Variants in EPRS1 observed in about 807,000 individuals in gnomAD.
EPRS1 encodes bifunctional glutamate/proline--tRNA ligase.
EPRS1 carries 107 observed loss-of-function variants against 188.3 expected under a neutral mutation model. The ratio of observed to expected loss-of-function variants is 0.57; its 90% CI spans 0.49 to 0.67. The LOEUF is 0.67. Ranked by LOEUF, EPRS1 falls within the 30% of genes least tolerant of loss-of-function variation. The probability of loss-of-function intolerance (pLI) is 0.00; values close to 1 mark genes in which losing one functional copy is unlikely to be tolerated. For synonymous variants in EPRS1, 596 were observed against 593.1 expected (o/e 1.00, Z -0.07); for missense variants, 1,577 against 1,802.2 (o/e 0.88, Z 2.26).
chr1:219,994,447 C>A (rs1661187001), intron 18 of EPRS1, among the ~76,000 whole-genome samples: 2 of 151,920 alleles, frequency 1.3e-5, no homozygotes, highest in Admixed American at 1.3e-4. Context: ...ATACAGCTCA[C>A]ATTTGTTTCA....
Position 219,981,856 on chromosome 1 carries a change from C to G in EPRS1, c.3374-399G>C, listed in dbSNP as rs188880129. Among the ~76,000 whole-genome samples, 738 of 152,272 alleles carry G rather than the reference C, an allele frequency of 4.8e-3. 7 individuals are homozygous for G. Among genetic ancestry groups the G allele is most frequent in the African/African-American group, 0.017 (691 of 41,562 alleles). On this transcript the variant is annotated intron_variant, in intron 23 of 31. Coordinates refer to ENST00000366923, the MANE Select transcript of EPRS1 (RefSeq NM_004446.3). ...CAACCCACAAGAAGGTATCATAACT[C>G]AGTTTTAAAGACGTGGAAAGCTGAG... is the stretch of plus-strand genomic sequence containing the variant.
rs1661842735 is a variant in EPRS1, at chr1:220,020,232, AG to A, written c.1116-12del. On this transcript the variant is annotated splice_polypyrimidine_tract_variant and intron_variant, in intron 9 of 31. Transcript: ENST00000366923. ...TATGTTGGATAAACACTAGAAAAAAAGAAAATAAAATAAACAAAACATTTTA... is the reference window on the plus strand; with the variant it reads ...TATGTTGGATAAACACTAGAAAAAAAAAAATAAAATAAACAAAACATTTTA... 1.9e-6 allele frequency: 3 copies of A among 1,540,424 alleles called. No individual in the cohort carries two copies. The East Asian group carries it at 6.7e-5, about 35-fold the overall frequency.
chr1:219,971,167 T>C (rs904061196), intron 30 of EPRS1, among the ~76,000 whole-genome samples: 1 of 152,170 alleles, frequency 6.6e-6, no homozygotes. Context: ...CACTGGCCCA[T>C]GGTTTTCTCA....
Position 219,997,037 on chromosome 1 carries a change from TTCA to T in EPRS1, c.2484_2486del (p.Asp828del), listed in dbSNP as rs866829385. ...GAACCACCTCCCCTTGTGCAGCAAC[TTCA>T]TCATACAGAGATTTACTTTCCAGAA... On this transcript the variant is annotated inframe_deletion, in exon 18 of 32. Coordinates refer to ENST00000366923, the MANE Select transcript of EPRS1 (RefSeq NM_004446.3). The T allele has an allele frequency of 8.7e-6, 14 of 1,613,068 alleles. No individual in the cohort carries two copies. The African/African-American group carries it at 1.7e-4, about 20-fold the overall frequency.
chr1:220,036,475 A>G (rs1662182702), intron 2 of EPRS1, among the ~76,000 whole-genome samples: 1 of 152,062 alleles, frequency 6.6e-6, no homozygotes, highest in Non-Finnish European at 1.5e-5. Flanking sequence ...AATGTGGTAC[A>G]TATATACCAC....
chr1:220,006,625 T>G (rs916869642), intron 14 of EPRS1, among the ~76,000 whole-genome samples: 13 of 152,288 alleles, frequency 8.5e-5, no homozygotes, highest in African/African-American at 2.9e-4. Flanking sequence ...GTCACCTGCA[T>G]CAAGCATTAT....
At chr1:219,999,172 T>C (rs933074565) in intron 17 of EPRS1, among the ~76,000 whole-genome samples, 18 of 152,236 alleles carry the variant, frequency 1.2e-4, no homozygotes, top group Non-Finnish European at 7.4e-5. Flanking sequence ...TTTGATAGTA[T>C]CAGCCTCTAT....
intron 18 of EPRS1, among the ~76,000 whole-genome samples, chr1:219,991,243 A>C (rs1231705479): frequency 6.6e-6 from 1 of 151,888 alleles, no homozygotes; most frequent in African/African-American, 2.4e-5. Context: ...AAAAAAAAAA[A>C]AAAAACCTGG....
chr1:220,005,363 G>A lies in EPRS1; in HGVS notation c.1951-3C>T, dbSNP rs1212024723. On this transcript the variant is annotated splice_polypyrimidine_tract_variant and splice_region_variant and intron_variant, in intron 15 of 31. Transcript: ENST00000366923. The stretch of plus-strand genomic sequence containing the variant: ...TCCCCTAGCATTAGCTCTTCATGCT[G>A]TAAAGATGATATAAACCAAAGTACA... 2 of 1,396,136 alleles carry A rather than the reference G, an allele frequency of 1.4e-6. No individual in the cohort carries two copies. Among genetic ancestry groups the A allele is most frequent in the Non-Finnish European group, 1.9e-6 (2 of 1,045,964 alleles). The allele number at this position is 1,396,136 out of a possible 1,614,324, so 86.5% of individuals were successfully genotyped here. A position where few individuals can be genotyped will look rare whatever the true frequency, so the allele number is the denominator to read the frequency against.
At chr1:219,973,106 T>G in intron 29 of EPRS1, 132 bp downstream of exon 29, 1 of 700,002 alleles carries the variant, frequency 1.4e-6, no homozygotes, top group Non-Finnish European at 2.4e-6. Flanking sequence ...GAGTGGCAAA[T>G]TAAGTAGCAT....
intron 20 of EPRS1, among the ~76,000 whole-genome samples, chr1:219,984,858 C>A (rs1218665654): frequency 1.3e-5 from 2 of 152,100 alleles, no homozygotes; most frequent in African/African-American, 4.8e-5. Flanking sequence ...GCCTGACCAA[C>A]ATGGAGAAAC....
At chr1:220,033,408 T>C (rs1325798314) in intron 4 of EPRS1, 94 bp downstream of exon 4, 1 of 870,038 alleles carries the variant, frequency 1.1e-6, no homozygotes, top group African/African-American at 1.7e-5. Flanking sequence ...TACACACACA[T>C]ATACATACAT....
intron 18 of EPRS1, among the ~76,000 whole-genome samples, chr1:219,992,697 C>T (rs1259388161): frequency 1.3e-5 from 2 of 152,270 alleles, no homozygotes; most frequent in South Asian, 2.1e-4. Context: ...GAGGCCGAGG[C>T]GGGTGGATCA....
In EPRS1 at chr1:219,986,852, A is replaced by C. The variant is rs12071410; in HGVS notation, c.3038+290T>G. On this transcript the variant is annotated intron_variant, in intron 20 of 31. Coordinates refer to ENST00000366923, the MANE Select transcript of EPRS1 (RefSeq NM_004446.3). ...TAAATGAAAATCGCTCAACAGATACAGAAGAAACTGTTAACAGTGGCTACT... is the reference window on the plus strand; with the variant it reads ...TAAATGAAAATCGCTCAACAGATACCGAAGAAACTGTTAACAGTGGCTACT... 5.9e-3 allele frequency among the ~76,000 whole-genome samples: 902 copies of C among 152,210 alleles called. 13 individuals carry two copies. The highest frequency in any genetic ancestry group is 0.02 in the African/African-American group (844 of 41,518).
At chr1:220,006,801 T>C (rs1661496063) in intron 14 of EPRS1, among the ~76,000 whole-genome samples, 1 of 152,220 alleles carries the variant, frequency 6.6e-6, no homozygotes, top group Non-Finnish European at 1.5e-5. Flanking sequence ...CTATAGTAAC[T>C]AGAAAGTCAA....
chr1:220,025,055 T>TA, intron 7 of EPRS1, 77 bp downstream of exon 7: 1 of 1,383,256 alleles, frequency 7.2e-7, no homozygotes, highest in Non-Finnish European at 1.0e-6. Context: ...TTTATTTTCA[T>TA]ACCATGAAGG....
At position 219,983,473 on chromosome 1, in the gene EPRS1, C is replaced by T; in HGVS notation, c.3091-75G>A. On this transcript the variant is annotated intron_variant, in intron 21 of 31. Coordinates refer to ENST00000366923, the MANE Select transcript of EPRS1 (RefSeq NM_004446.3). Reference sequence around the variant, plus strand: ...AGTATAAGTGGCAAGAGTATGATAACCAAAATTCAAATCTGGAGGCTTCTA... The same window carrying T: ...AGTATAAGTGGCAAGAGTATGATAATCAAAATTCAAATCTGGAGGCTTCTA... The T allele has an allele frequency of 3.8e-6, 4 of 1,045,858 alleles. No homozygotes were observed. The South Asian group carries it at 6.3e-5, about 16-fold the overall frequency. The allele number at this position is 1,045,858 out of a possible 1,614,324, so 64.8% of individuals were successfully genotyped here. A position where few individuals can be genotyped will look rare whatever the true frequency, so the allele number is the denominator to read the frequency against.
intron 6 of EPRS1, among the ~76,000 whole-genome samples, chr1:220,028,755 A>G (rs1662031952): frequency 6.6e-6 from 1 of 152,176 alleles, no homozygotes; most frequent in Non-Finnish European, 1.5e-5. Context: ...GGTGCTATGT[A>G]TATGTTAGCT....
chr1:219,983,882 T>C (rs996480026), intron 21 of EPRS1, among the ~76,000 whole-genome samples: 35 of 123,456 alleles, frequency 2.8e-4, no homozygotes, highest in African/African-American at 1.1e-3. Flanking sequence ...AACAGACTGA[T>C]ACTCCCGTCT....
Sources: gnomAD v4.1 joint callset for allele counts (sites outside exome capture counted in the v4.1 genomes callset) on GRCh38, gnomAD v4.1.1 for gene constraint, MANE v1.5 for transcripts, NCBI Gene and HGNC (gene_info 2026-07-23, HGNC 2026-07-21) for gene names.